Variants in CNTN1 observed in about 807,000 individuals in gnomAD.
The protein encoded by CNTN1 is contactin-1.
Under a neutral mutation model 126.4 loss-of-function variants are expected in CNTN1, and 38 were observed. The observed-to-expected ratio is 0.30, with a 90% CI of 0.23 to 0.39. CNTN1 has a LOEUF of 0.39. Among genes scored for constraint, CNTN1 ranks in the 10% least tolerant of loss-of-function variants. The probability of loss-of-function intolerance (pLI) is 1.00; values close to 1 mark genes in which losing one functional copy is unlikely to be tolerated. For missense variants in CNTN1, 1,009 were observed against 1,248.4 expected (o/e 0.81, Z 2.89); for synonymous variants, 413 against 422.6 (o/e 0.98, Z 0.28).
chr12:40,785,665 CA>C (rs2136457016), intron 1 of CNTN1, among the ~76,000 whole-genome samples: 1 of 152,104 alleles, frequency 6.6e-6, no homozygotes, highest in South Asian at 2.1e-4. Flanking sequence ...GGGGAGATTA[CA>C]AAGTACATTG....
chr12:40,996,947 AT>A (rs1410403557), intron 17 of CNTN1, among the ~76,000 whole-genome samples: 1 of 152,180 alleles, frequency 6.6e-6, no homozygotes, highest in African/African-American at 2.4e-5. Context: ...GCTGGTTCCC[AT>A]TTGATGGAAA....
intron 4 of CNTN1, among the ~76,000 whole-genome samples, chr12:40,919,566 T>C (rs1945362123): frequency 6.6e-6 from 1 of 152,226 alleles, no homozygotes; most frequent in African/African-American, 2.4e-5. Context: ...TAATTGAAAG[T>C]TGTCACTCAA....
chr12:40,739,966 G>T (rs1484706616), intron 1 of CNTN1, among the ~76,000 whole-genome samples: 2 of 152,164 alleles, frequency 1.3e-5, no homozygotes, highest in East Asian at 1.9e-4. Flanking sequence ...ACTTTACAGT[G>T]TAAAGAAATC....
intron 1 of CNTN1, among the ~76,000 whole-genome samples, chr12:40,700,270 G>A (rs1174904079): frequency 1.3e-5 from 2 of 152,012 alleles, no homozygotes; most frequent in Non-Finnish European, 2.9e-5. Flanking sequence ...GCTCACGCCT[G>A]TAATCCCAGC....
At chr12:40,764,060 A>G (rs1938976343) in intron 1 of CNTN1, among the ~76,000 whole-genome samples, 1 of 152,222 alleles carries the variant, frequency 6.6e-6, no homozygotes, top group Non-Finnish European at 1.5e-5. Flanking sequence ...ATCTGTTCAC[A>G]TAAATGCTTT....
chr12:40,933,937 C>A, intron 9 of CNTN1, 59 bp downstream of exon 9: 1 of 1,348,410 alleles, frequency 7.4e-7, no homozygotes, highest in Admixed American at 1.8e-5. Flanking sequence ...AGAGCCATTT[C>A]CATACATGAA....
intron 23 of CNTN1, among the ~76,000 whole-genome samples, chr12:41,043,612 C>G (rs2120970330): frequency 6.6e-6 from 1 of 152,196 alleles, no homozygotes; most frequent in African/African-American, 2.4e-5. Context: ...GGGTCTAGAA[C>G]TAGAAATACC....
chr12:40,865,495 G>A (rs1370664058), intron 1 of CNTN1, among the ~76,000 whole-genome samples: 1 of 151,950 alleles, frequency 6.6e-6, no homozygotes, highest in Non-Finnish European at 1.5e-5. Context: ...TTAGATTTAT[G>A]ACTTATTCTG....
At chr12:41,058,579 G>A (rs1270552954) in intron 23 of CNTN1, among the ~76,000 whole-genome samples, 1 of 152,044 alleles carries the variant, frequency 6.6e-6, no homozygotes, top group African/African-American at 2.4e-5. Flanking sequence ...AGTGATGAAA[G>A]TTAATCTTTT....
intron 1 of CNTN1, among the ~76,000 whole-genome samples, chr12:40,905,998 G>A (rs188640412): frequency 9.8e-5 from 15 of 152,322 alleles, no homozygotes; most frequent in African/African-American, 2.9e-4. Context: ...ATTGTTGGCC[G>A]GGTGCAATGG....
At chr12:41,042,781 G>A (rs952634301) in intron 23 of CNTN1, among the ~76,000 whole-genome samples, 6 of 152,066 alleles carry the variant, frequency 3.9e-5, no homozygotes, top group Non-Finnish European at 8.8e-5. Context: ...AAAACAGCAT[G>A]GTACTGGTAC....
chr12:41,055,529 G>T (rs900490342), intron 23 of CNTN1, among the ~76,000 whole-genome samples: 1 of 152,074 alleles, frequency 6.6e-6, no homozygotes, highest in African/African-American at 2.4e-5. Flanking sequence ...CCGTACTACA[G>T]TTGTGGTTTA....
At chr12:40,715,672 C>G in intron 1 of CNTN1, among the ~76,000 whole-genome samples, 1 of 152,210 alleles carries the variant, frequency 6.6e-6, no homozygotes, top group Middle Eastern at 3.4e-3. Context: ...AGATCTGAAG[C>G]TTTTTCATTA....
chr12:41,020,199 G>C, intron 19 of CNTN1, 138 bp from the exon 20 acceptor site: 1 of 601,874 alleles, frequency 1.7e-6, no homozygotes, highest in South Asian at 2.2e-5. Context: ...ATTGCACTTA[G>C]TTTGAAAATA....
chr12:40,754,902 A>G (rs77142852), intron 1 of CNTN1, among the ~76,000 whole-genome samples: 3,003 of 152,126 alleles, frequency 0.02, 45 homozygotes, highest in Admixed American at 0.034. Flanking sequence ...TGATTTCTAT[A>G]CATTTAAAAA....
intron 1 of CNTN1, among the ~76,000 whole-genome samples, chr12:40,788,532 C>A: frequency 6.6e-6 from 1 of 152,144 alleles, no homozygotes; most frequent in South Asian, 2.1e-4. Context: ...CCAGCAGCCT[C>A]AGTCAAGAAC....
rs1052883999 is a variant in CNTN1 at position 40,836,021 on chromosome 12, C to CAT, written c.-76-72326_-76-72325dup. Among the ~76,000 whole-genome samples, 18 of 145,028 alleles carry CAT rather than the reference C, an allele frequency of 1.2e-4. No individual in the cohort carries two copies. The East Asian group carries it at 2.0e-3, about 16-fold the overall frequency. On this transcript the variant is annotated intron_variant, in intron 1 of 23. Coordinates refer to ENST00000551295, the MANE Select transcript of CNTN1 (RefSeq NM_001843.4). ...GTGTGTGTGTGTGTATATATGTATG[C>CAT]ATATATATATACACATGTATGCATA...
intron 1 of CNTN1, among the ~76,000 whole-genome samples, chr12:40,743,375 G>T (rs1288933020): frequency 1.3e-5 from 2 of 152,046 alleles, no homozygotes; most frequent in African/African-American, 2.4e-5. Context: ...ATTGCAATGA[G>T]TGACATAGAG....
chr12:40,952,890 A>G (rs1480714103), intron 14 of CNTN1, among the ~76,000 whole-genome samples: 3 of 152,180 alleles, frequency 2.0e-5, no homozygotes, highest in Non-Finnish European at 2.9e-5. Context: ...TTTGTGAAAC[A>G]TATTCTTTAA....
Sources: allele counts gnomAD v4.1 joint callset (sites outside exome capture counted in the v4.1 genomes callset), GRCh38; gene constraint gnomAD v4.1.1; transcripts MANE v1.5; gene names NCBI Gene and HGNC (gene_info 2026-07-23, HGNC 2026-07-21).